AGBL4: variants seen among roughly 807,000 people sequenced by gnomAD.
AGBL4 encodes cytosolic carboxypeptidase 6.
A neutral mutation model predicts 66.4 loss-of-function variants in AGBL4; 58 were observed. The ratio of observed to expected loss-of-function variants is 0.87; its 90% CI spans 0.71 to 1.09. AGBL4 has a LOEUF of 1.09. AGBL4 is among the 50% of genes least tolerant of loss of function. The pLI, the probability that AGBL4 is intolerant of heterozygous loss-of-function variation, is 0.00. For synonymous variants in AGBL4, 234 were observed against 222.9 expected, an observed-to-expected ratio of 1.05 and a Z score of -0.44; for missense variants, 579 against 631.0, an observed-to-expected ratio of 0.92 and a Z score of 0.88.
intron 3 of AGBL4, among the ~76,000 whole-genome samples, chr1:49,253,155 G>A (rs1652204160): frequency 6.6e-6 from 1 of 152,108 alleles, no homozygotes; most frequent in African/African-American, 2.4e-5. Flanking sequence ...CTGTCTTCAA[G>A]AGAACCATCT....
intron 3 of AGBL4, among the ~76,000 whole-genome samples, chr1:49,473,308 A>G (rs1646783567): frequency 1.3e-5 from 2 of 151,976 alleles, no homozygotes; most frequent in Non-Finnish European, 2.9e-5. Flanking sequence ...AACATCTGTT[A>G]TGTTTTGACT....
At chr1:48,982,642 G>A (rs61786030) in intron 5 of AGBL4, among the ~76,000 whole-genome samples, 2 of 152,132 alleles carry the variant, frequency 1.3e-5, no homozygotes, top group African/African-American at 2.4e-5. Context: ...TGCTATTGTG[G>A]ATAGTGCCGC....
At chr1:48,553,123 C>A (rs1043389348) in intron 11 of AGBL4, among the ~76,000 whole-genome samples, 1 of 152,096 alleles carries the variant, frequency 6.6e-6, no homozygotes, top group East Asian at 1.9e-4. Flanking sequence ...CCTGCTCCTC[C>A]AATCCAGGCA....
chr1:48,800,158 T>G (rs1645777550), intron 6 of AGBL4, among the ~76,000 whole-genome samples: 1 of 152,204 alleles, frequency 6.6e-6, no homozygotes, highest in South Asian at 2.1e-4. Context: ...ATTTTAAAAA[T>G]TATTGTTTCA....
intron 6 of AGBL4, among the ~76,000 whole-genome samples, chr1:48,807,799 T>C (rs965913755): frequency 6.6e-6 from 1 of 152,030 alleles, no homozygotes; most frequent in Non-Finnish European, 1.5e-5. Context: ...GAGTGCTCCA[T>C]TGGTAACCCC....
intron 2 of AGBL4, among the ~76,000 whole-genome samples, chr1:49,738,438 T>G (rs1176917550): frequency 6.6e-6 from 1 of 152,190 alleles, no homozygotes; most frequent in Admixed American, 6.5e-5. Flanking sequence ...CCACCGCAGC[T>G]CAAGGAGGCC....
intron 8 of AGBL4, among the ~76,000 whole-genome samples, chr1:48,645,336 C>T (rs1351093611): frequency 6.6e-6 from 1 of 152,148 alleles, no homozygotes; most frequent in Non-Finnish European, 1.5e-5. Flanking sequence ...AGTTACTTAG[C>T]CTCTCTGTGG....
intron 5 of AGBL4, among the ~76,000 whole-genome samples, chr1:49,036,118 AC>A (rs1356154116): frequency 9.2e-5 from 14 of 152,104 alleles, no homozygotes; most frequent in Non-Finnish European, 1.3e-4. Flanking sequence ...ATCTAAAAAA[AC>A]ATTGAAAAAA....
chr1:49,970,736 CACACACACACAT>C (rs1658003702), intron 1 of AGBL4, among the ~76,000 whole-genome samples: 7 of 121,844 alleles, frequency 5.7e-5, no homozygotes, highest in African/African-American at 2.0e-4. Flanking sequence ...CACACACACA[CACACACACACAT>C]ACACAAACAA....
chr1:49,033,694 C>T (rs1443783097), intron 5 of AGBL4, among the ~76,000 whole-genome samples: 2 of 152,078 alleles, frequency 1.3e-5, no homozygotes, highest in Non-Finnish European at 2.9e-5. Flanking sequence ...TCAACTCTTC[C>T]AGATATCTTT....
chr1:49,906,112 G>T (rs2148200280), intron 1 of AGBL4, among the ~76,000 whole-genome samples: 2 of 120,874 alleles, frequency 1.7e-5, no homozygotes, highest in East Asian at 4.1e-4. Context: ...AGAGAAACAG[G>T]ACTCTGTGTG....
intron 9 of AGBL4, among the ~76,000 whole-genome samples, chr1:48,596,146 C>T (rs1644991270): frequency 1.3e-5 from 2 of 152,180 alleles, no homozygotes; most frequent in Non-Finnish European, 2.9e-5. Flanking sequence ...TATAAACTCT[C>T]CATGTCCTGT....
chr1:49,737,233 T>A (rs1011152007), intron 2 of AGBL4, among the ~76,000 whole-genome samples: 1 of 152,160 alleles, frequency 6.6e-6, no homozygotes, highest in African/African-American at 2.4e-5. Context: ...AACATGCACT[T>A]ATATGCTTGT....
intron 3 of AGBL4, among the ~76,000 whole-genome samples, chr1:49,421,893 A>G (rs1645553889): frequency 6.6e-6 from 1 of 151,736 alleles, no homozygotes; most frequent in Non-Finnish European, 1.5e-5. Flanking sequence ...TTTGACGCCC[A>G]CTCCACCTCC....
At chr1:49,250,559 T>C (rs930295502) in intron 3 of AGBL4, among the ~76,000 whole-genome samples, 19 of 150,462 alleles carry the variant, frequency 1.3e-4, no homozygotes, top group African/African-American at 3.7e-4. Context: ...TTCTCCTGCC[T>C]CAGCCTCCTG....
At chr1:49,938,882 T>G (rs1654417551) in intron 1 of AGBL4, among the ~76,000 whole-genome samples, 1 of 152,012 alleles carries the variant, frequency 6.6e-6, no homozygotes, top group Admixed American at 6.6e-5. Flanking sequence ...AAATAAAGGG[T>G]ATTCAATTAG....
intron 3 of AGBL4, among the ~76,000 whole-genome samples, chr1:49,451,513 G>A (rs1486805890): frequency 2.6e-5 from 4 of 151,834 alleles, no homozygotes; most frequent in Non-Finnish European, 4.4e-5. Context: ...CTTAGAATTC[G>A]GCCTACCACA....
intron 3 of AGBL4, among the ~76,000 whole-genome samples, chr1:49,665,067 T>A (rs2124504578): frequency 6.6e-6 from 1 of 152,256 alleles, no homozygotes; most frequent in African/African-American, 2.4e-5. Context: ...TTTTTAGAAA[T>A]CACAACCTAT....
chr1:49,974,039 G>C (rs1381493455), intron 1 of AGBL4, among the ~76,000 whole-genome samples: 1 of 152,026 alleles, frequency 6.6e-6, no homozygotes, highest in African/African-American at 2.4e-5. Context: ...TATATTACTT[G>C]CAAGAATATG....
Sources: gnomAD v4.1 joint callset for allele counts (sites outside exome capture counted in the v4.1 genomes callset) on GRCh38, gnomAD v4.1.1 for gene constraint, MANE v1.5 for transcripts, NCBI Gene and HGNC (gene_info 2026-07-23, HGNC 2026-07-21) for gene names.